The following ATP2C2 variants were observed in gnomAD, a reference collection of about 807,000 sequenced individuals.
The protein encoded by ATP2C2 is calcium-transporting ATPase type 2C member 2.
Under a neutral mutation model 110.8 loss-of-function variants are expected in ATP2C2, and 171 were observed. That is an observed-to-expected ratio of 1.54 (90% CI 1.36 to 1.75). ATP2C2 has a LOEUF of 1.75. Ranked by LOEUF, ATP2C2 falls within the 40% of genes most tolerant of loss-of-function variation. ATP2C2 has a pLI of 0.00. For synonymous variants in ATP2C2, 804 were observed against 508.4 expected (o/e 1.58, Z -7.82); for missense variants, 1,963 against 1,235.0 (o/e 1.59, Z -8.84).
intron 1 of ATP2C2, among the ~76,000 whole-genome samples, chr16:84,388,919 G>C (rs1041579818): frequency 6.6e-6 from 1 of 152,054 alleles, no homozygotes; most frequent in African/African-American, 2.4e-5. Context: ...CTACAGGTGG[G>C]CGCCACCATG....
intron 1 of ATP2C2, among the ~76,000 whole-genome samples, chr16:84,377,005 A>G (rs1910288524): frequency 1.3e-5 from 2 of 152,220 alleles, no homozygotes; most frequent in Admixed American, 1.3e-4. Context: ...GACGCTTCAG[A>G]GGCTAATAAT....
chr16:84,434,623 T>C (rs1283929836), intron 11 of ATP2C2, among the ~76,000 whole-genome samples: 1 of 151,626 alleles, frequency 6.6e-6, no homozygotes, highest in Non-Finnish European at 1.5e-5. Context: ...GTTCAAGTGA[T>C]TCTCCTGCCT....
In ATP2C2 at chr16:84,418,745, G is replaced by A. The variant is rs76265602; in HGVS notation, c.624+3154G>A. On this transcript the variant is annotated intron_variant, in intron 7 of 26. Transcript: ENST00000262429. ...GTTCTCTCTCTCCCTGTGAGCAGCT[G>A]TTCAGACTCTTCCTGGCACTGCCTC... Among the ~76,000 whole-genome samples, 813 of 152,308 alleles carry A rather than the reference G, an allele frequency of 5.3e-3. 7 individuals are homozygous for A. Among genetic ancestry groups the A allele is most frequent in the African/African-American group, 0.019 (777 of 41,560 alleles).
At chr16:84,375,642 G>C (rs894140798) in intron 1 of ATP2C2, among the ~76,000 whole-genome samples, 2 of 152,134 alleles carry the variant, frequency 1.3e-5, no homozygotes, top group South Asian at 4.1e-4. Context: ...CGATTCTTTT[G>C]CCATCTTTGC....
chr16:84,403,670 C>T (rs1026391153), intron 2 of ATP2C2, among the ~76,000 whole-genome samples: 2 of 152,012 alleles, frequency 1.3e-5, no homozygotes, highest in Non-Finnish European at 2.9e-5. Flanking sequence ...GCACAACCAT[C>T]GCCATTCTCT....
chr16:84,421,014 C>T (rs548210491), intron 7 of ATP2C2, among the ~76,000 whole-genome samples: 1 of 152,260 alleles, frequency 6.6e-6, no homozygotes, highest in South Asian at 2.1e-4. Flanking sequence ...CTGTGTTGGC[C>T]AGGCTGGTCT....
At chr16:84,423,050 AG>A in intron 9 of ATP2C2, 137 bp from the exon 10 acceptor site, 1 of 709,402 alleles carries the variant, frequency 1.4e-6, no homozygotes, top group Admixed American at 2.6e-5. Flanking sequence ...TCAGTGCAAA[AG>A]TCAATGAATG....
chr16:84,404,034 G>A (rs762766103), intron 2 of ATP2C2, among the ~76,000 whole-genome samples: 3 of 152,196 alleles, frequency 2.0e-5, no homozygotes, highest in Non-Finnish European at 2.9e-5. Context: ...AGACGCATAG[G>A]GCAGGTAATG....
chr16:84,439,044 A>G, intron 11 of ATP2C2, 122 bp from the exon 12 acceptor site: 1 of 1,424,468 alleles, frequency 7.0e-7, no homozygotes, highest in South Asian at 1.3e-5. Flanking sequence ...AATGGAGACT[A>G]GAACCAGGAC....
At chr16:84,454,452 T>G (rs952347121) in intron 20 of ATP2C2, among the ~76,000 whole-genome samples, 2 of 152,218 alleles carry the variant, frequency 1.3e-5, no homozygotes, top group Non-Finnish European at 2.9e-5. Context: ...AAGAAGGTAG[T>G]AATACTTACC....
intron 10 of ATP2C2, among the ~76,000 whole-genome samples, chr16:84,424,599 T>TTTTTTTTTTTTTTA (rs376880864): frequency 6.9e-5 from 9 of 131,308 alleles, no homozygotes; most frequent in East Asian, 6.7e-4. Flanking sequence ...TTTTTTTTTT[T>TTTTTTTTTTTTTTA]AACATTTTGG....
chr16:84,453,681 G>A (rs1017762097), intron 20 of ATP2C2, among the ~76,000 whole-genome samples: 18 of 152,184 alleles, frequency 1.2e-4, no homozygotes, highest in African/African-American at 1.7e-4. Flanking sequence ...ATGCTGGGAA[G>A]TGTCATCTGT....
intron 13 of ATP2C2, among the ~76,000 whole-genome samples, chr16:84,440,118 G>GT (rs1234512486): frequency 6.6e-5 from 10 of 152,212 alleles, no homozygotes; most frequent in African/African-American, 1.7e-4. Context: ...GATTACAGGC[G>GT]TGAGCCACCA....
At chr16:84,373,168 T>C (rs117821973) in intron 1 of ATP2C2, among the ~76,000 whole-genome samples, 2,736 of 142,184 alleles carry the variant, frequency 0.019, 33 homozygotes, top group Non-Finnish European at 0.027. Flanking sequence ...AAAGTACAAA[T>C]AGAACAGCCT....
intron 3 of ATP2C2, among the ~76,000 whole-genome samples, chr16:84,405,503 C>G (rs969879909): frequency 6.6e-6 from 1 of 151,010 alleles, no homozygotes; most frequent in Non-Finnish European, 1.5e-5. Flanking sequence ...AATAAGTAAG[C>G]ATGCGCTTAC....
chr16:84,462,186 A>G, intron 26 of ATP2C2, 57 bp downstream of exon 26: 2 of 1,574,766 alleles, frequency 1.3e-6, no homozygotes, highest in Non-Finnish European at 1.7e-6. Flanking sequence ...GGGGGGCGGC[A>G]GCTGCCAGGT....
chr16:84,417,012 G>T (rs1391385933), intron 7 of ATP2C2, among the ~76,000 whole-genome samples: 2 of 152,206 alleles, frequency 1.3e-5, no homozygotes, highest in East Asian at 3.9e-4. Flanking sequence ...GAGAGAGGCC[G>T]TATGAGAGGT....
chr16:84,417,735 T>C (rs1906965921), intron 7 of ATP2C2, among the ~76,000 whole-genome samples: 4 of 152,196 alleles, frequency 2.6e-5, no homozygotes, highest in African/African-American at 9.7e-5. Context: ...GTACAAAAAC[T>C]ATTGTACCTG....
intron 2 of ATP2C2, among the ~76,000 whole-genome samples, chr16:84,401,584 A>C (rs4545807): frequency 6.6e-6 from 1 of 152,022 alleles, no homozygotes; most frequent in African/African-American, 2.4e-5. Context: ...TATTAAAGAG[A>C]TTGCCCTTTC....
Sources: gnomAD v4.1 joint callset for allele counts (sites outside exome capture counted in the v4.1 genomes callset) on GRCh38, gnomAD v4.1.1 for gene constraint, MANE v1.5 for transcripts, NCBI Gene and HGNC (gene_info 2026-07-23, HGNC 2026-07-21) for gene names.